Variants in PIP5K1B observed in about 807,000 individuals in gnomAD.
PIP5K1B encodes phosphatidylinositol-4-phosphate 5-kinase type 1 beta, also known as phosphatidylinositol 4-phosphate 5-kinase type-1 beta.
In PIP5K1B, 42 loss-of-function variants were observed where a neutral mutation model predicts 67.0. That is an observed-to-expected ratio of 0.63 (90% CI 0.49 to 0.81). The LOEUF is 0.81. Among genes scored for constraint, PIP5K1B ranks in the 30% least tolerant of loss-of-function variants. The pLI is 0.00. For missense variants in PIP5K1B, 459 were observed against 646.3 expected (o/e 0.71, Z 3.14); for synonymous variants, 214 against 231.4 (o/e 0.92, Z 0.68).
chr9:69,001,885 G>A (rs1225022260), intron 15 of PIP5K1B, among the ~76,000 whole-genome samples: 1 of 152,226 alleles, frequency 6.6e-6, no homozygotes, highest in Non-Finnish European at 1.5e-5. Context: ...AATCACTGAT[G>A]CTCTCAGGCT....
intron 8 of PIP5K1B, among the ~76,000 whole-genome samples, chr9:68,894,903 G>C (rs1446937588): frequency 6.6e-6 from 1 of 152,174 alleles, no homozygotes; most frequent in Non-Finnish European, 1.5e-5. Flanking sequence ...AATGAAACAA[G>C]AAAGCTTTGT....
Position 68,948,715 on chromosome 9 carries a change from GAA to G in PIP5K1B, c.1502+7936_1502+7937del, listed in dbSNP as rs35259230. Among the ~76,000 whole-genome samples the G allele has an allele frequency of 5.3e-3, 776 of 145,434 alleles. 6 individuals carry two copies. Among genetic ancestry groups the G allele is most frequent in the African/African-American group, 0.018 (729 of 39,580 alleles). On this transcript the variant is annotated intron_variant, in intron 14 of 15. Coordinates refer to ENST00000265382, the MANE Select transcript of PIP5K1B (RefSeq NM_003558.4). ...GTTTAGTTTTTCCTCCCCACCCCCA[GAA>G]AAAAAAAAAATAGAAGAAAAAACAT...
chr9:68,952,367 G>A (rs1020944671), intron 14 of PIP5K1B, among the ~76,000 whole-genome samples: 11 of 152,238 alleles, frequency 7.2e-5, no homozygotes, highest in Non-Finnish European at 1.2e-4. Flanking sequence ...TTGCCCTCTA[G>A]GACCTGATGT....
At chr9:68,771,970 T>G (rs1015828044) in intron 2 of PIP5K1B, among the ~76,000 whole-genome samples, 1 of 152,216 alleles carries the variant, frequency 6.6e-6, no homozygotes, top group Admixed American at 6.5e-5. Context: ...CCCTTCTTTT[T>G]GTTGCACTTA....
At chr9:68,751,717 A>C (rs1829642790) in intron 2 of PIP5K1B, among the ~76,000 whole-genome samples, 1 of 152,226 alleles carries the variant, frequency 6.6e-6, no homozygotes, top group South Asian at 2.1e-4. Context: ...AAATTCCTCA[A>C]AGAGTCATGG....
chr9:68,759,917 C>A (rs1188374382), intron 2 of PIP5K1B, among the ~76,000 whole-genome samples: 1 of 151,950 alleles, frequency 6.6e-6, no homozygotes, highest in African/African-American at 2.4e-5. Context: ...ATTAAAATTT[C>A]CATCAGACAG....
rs776420241 is a variant in PIP5K1B at position 68,894,589 on chromosome 9, A to G, written c.722A>G (p.Asp241Gly). 1 of 1,614,162 alleles carries G rather than the reference A, an allele frequency of 6.2e-7. No individual in the cohort carries two copies. The highest frequency in any genetic ancestry group is 1.1e-5 in the South Asian group (1 of 91,082). The change falls in exon 8 of 16, where the codon GAT becomes GGT. Residue 241 changes from aspartate to glycine, a missense_variant. By Grantham distance (94) the Asp-to-Gly change is moderately conservative. Coordinates refer to ENST00000265382, the MANE Select transcript of PIP5K1B (RefSeq NM_003558.4). ...GACATGCACGAAGGGTTGTATTTTG[A>G]TACGGAAACATACAACGCGCTTATG... is the stretch of plus-strand genomic sequence containing the variant. The part of the protein sequence containing the change: ...LQDMHEGLYF[D>G]TETYNALMKT...
At chr9:68,993,531 G>C (rs1830471931) in intron 15 of PIP5K1B, among the ~76,000 whole-genome samples, 1 of 151,838 alleles carries the variant, frequency 6.6e-6, no homozygotes, top group African/African-American at 2.4e-5. Flanking sequence ...TTTGCACTGA[G>C]CAATGCTCCA....
chr9:68,711,227 A>C (rs1003347381), intron 1 of PIP5K1B, among the ~76,000 whole-genome samples: 1 of 152,214 alleles, frequency 6.6e-6, no homozygotes, highest in East Asian at 1.9e-4. Context: ...TGGATTCGAC[A>C]TGTTTCATAG....
At chr9:68,812,184 C>G (rs6560371) in intron 2 of PIP5K1B, among the ~76,000 whole-genome samples, 148,584 of 152,350 alleles carry the variant, frequency 0.98, 72,546 homozygotes, top group East Asian at 1. Flanking sequence ...TTATAGGACA[C>G]TTACAAGTGT....
At chr9:68,864,092 CAGGG>C (rs1823244799) in intron 5 of PIP5K1B, 125 bp downstream of exon 5, 5 of 836,908 alleles carry the variant, frequency 6.0e-6, no homozygotes, top group Non-Finnish European at 9.3e-6. Flanking sequence ...GGGCCTTTGG[CAGGG>C]CCAAAGGCAG....
chr9:68,714,181 C>G (rs369727655), intron 1 of PIP5K1B, among the ~76,000 whole-genome samples: 5 of 152,270 alleles, frequency 3.3e-5, no homozygotes, highest in African/African-American at 1.2e-4. Context: ...GCTTGGATAT[C>G]CCAAAGGCAC....
chr9:68,724,208 G>A (rs559358147), intron 1 of PIP5K1B, among the ~76,000 whole-genome samples: 6 of 147,872 alleles, frequency 4.1e-5, no homozygotes, highest in Admixed American at 2.0e-4. Context: ...TCTGAGTTCC[G>A]TAGGTCTATG....
intron 14 of PIP5K1B, among the ~76,000 whole-genome samples, chr9:68,980,060 G>A (rs1438466499): frequency 1.3e-5 from 2 of 152,206 alleles, no homozygotes; most frequent in Admixed American, 1.3e-4. Context: ...ACTCAGCCAA[G>A]GGCTGAGCAT....
rs955813276 is a variant in PIP5K1B, at chr9:68,917,565, G to A, written c.789G>A (p.Lys263=). Residue 263 remains lysine, a synonymous_variant, in exon 9 of 16, where the codon AAG becomes AAA. Transcript: ENST00000265382. ...QRDCRVLESF[K]IMDYSLLLGI... ...TCATTCAGGTGCTAGAAAGCTTCAA[G>A]ATCATGGATTATAGCCTTCTGTTGG... 6 of 1,613,724 alleles carry A rather than the reference G, an allele frequency of 3.7e-6. No individual in the cohort carries two copies. The highest frequency in any genetic ancestry group is 5.1e-6 in the Non-Finnish European group (6 of 1,179,738).
chr9:68,873,281 C>CTTTTTTTTTTTT (rs772335388), intron 5 of PIP5K1B, among the ~76,000 whole-genome samples: 3 of 90,630 alleles, frequency 3.3e-5, no homozygotes, highest in East Asian at 2.9e-4. Context: ...ACTTTCTGAT[C>CTTTTTTTTTTTT]TTTTTTTTTT....
Position 68,782,609 on chromosome 9 carries a change from C to A in PIP5K1B, c.-85-35852C>A, listed in dbSNP as rs890287719. ...TTTACAACTATGAGAGTAAATGGAA[C>A]TGGTCAACTCTTGACAGTTGCCTCA... On this transcript the variant is annotated intron_variant, in intron 2 of 15. Transcript: ENST00000265382. The A allele has an allele frequency of 1.8e-5, 3 of 167,050 alleles. No homozygotes were observed. In the Admixed American group the frequency reaches 2.0e-4, roughly 11 times the overall value. 10.3% of individuals were successfully genotyped at this position (167,050 alleles called of 1,614,324 possible).
intron 15 of PIP5K1B, among the ~76,000 whole-genome samples, chr9:69,002,628 A>C (rs980138612): frequency 6.6e-6 from 1 of 152,174 alleles, no homozygotes; most frequent in African/African-American, 2.4e-5. Context: ...TATTTAAAAA[A>C]AAGAGAGAGA....
At chr9:68,825,723 C>T (rs1181093729) in intron 4 of PIP5K1B, among the ~76,000 whole-genome samples, 5 of 152,168 alleles carry the variant, frequency 3.3e-5, no homozygotes, top group Non-Finnish European at 5.9e-5. Flanking sequence ...TTATAAGTAG[C>T]TCACAGTGGA....
Sources: allele counts gnomAD v4.1 joint callset (sites outside exome capture counted in the v4.1 genomes callset), GRCh38; gene constraint gnomAD v4.1.1; transcripts MANE v1.5; gene names NCBI Gene and HGNC (gene_info 2026-07-23, HGNC 2026-07-21).